The following PPARG variants were observed in gnomAD, a reference collection of about 807,000 sequenced individuals.
PPARG encodes peroxisome proliferator-activated receptor gamma.
In PPARG, 17 loss-of-function variants were observed where a neutral mutation model predicts 39.2. That is an observed-to-expected ratio of 0.43 (90% CI 0.30 to 0.65). The LOEUF (loss-of-function observed/expected upper bound fraction) is 0.65, where lower values mean the gene tolerates loss of function less well. Ranked by LOEUF, PPARG falls within the 30% of genes least tolerant of loss-of-function variation. The probability of loss-of-function intolerance (pLI) is 0.13; values close to 1 mark genes in which losing one functional copy is unlikely to be tolerated. For missense variants in PPARG, 406 were observed against 585.9 expected, an observed-to-expected ratio of 0.69 and a Z score of 3.17; for synonymous variants, 223 against 215.7, an observed-to-expected ratio of 1.03 and a Z score of -0.30.
chr3:12,338,002 A>C (rs9876942), intron 2 of PPARG, among the ~76,000 whole-genome samples: 41,289 of 152,010 alleles, frequency 0.27, 5,688 homozygotes, highest in East Asian at 0.33. Context: ...TTCATGAATA[A>C]GGAAGGACAA....
At chr3:12,310,821 A>C (rs10212146) in intron 1 of PPARG, among the ~76,000 whole-genome samples, 28,782 of 130,236 alleles carry the variant, frequency 0.22, 3,603 homozygotes, top group East Asian at 0.26. Context: ...AAAAAAAAAA[A>C]AAACCCAAGT....
intron 5 of PPARG, among the ~76,000 whole-genome samples, chr3:12,396,268 C>T (rs934958231): frequency 6.6e-6 from 1 of 151,834 alleles, no homozygotes; most frequent in African/African-American, 2.4e-5. Context: ...ATTACAGGTG[C>T]CCGAAACCAT....
At chr3:12,324,207 A>G (rs1192628371) in intron 2 of PPARG, among the ~76,000 whole-genome samples, 1 of 152,046 alleles carries the variant, frequency 6.6e-6, no homozygotes, top group African/African-American at 2.4e-5. Flanking sequence ...TGAACCCAGG[A>G]GGTGGAGGTT....
chr3:12,401,082 G>A (rs2050453017), intron 5 of PPARG, among the ~76,000 whole-genome samples: 1 of 152,136 alleles, frequency 6.6e-6, no homozygotes, highest in African/African-American at 2.4e-5. Context: ...TTGTATATGA[G>A]TACACTCAGC....
intron 4 of PPARG, among the ~76,000 whole-genome samples, chr3:12,382,418 A>G (rs564149540): frequency 6.6e-6 from 1 of 152,314 alleles, no homozygotes; most frequent in African/African-American, 2.4e-5. Flanking sequence ...CTAATTTATT[A>G]TATACGCATT....
chr3:12,304,736 C>T lies in PPARG; in HGVS notation c.-82-7644C>T, dbSNP rs559131772. On this transcript the variant is annotated intron_variant, in intron 1 of 7. Coordinates refer to ENST00000651735, the MANE Select transcript of PPARG (RefSeq NM_138711.6). ...TTGTTGAATGAATGTGAGGTGAGGG[C>T]GGAGAAAATATTTCAAATGGAAAAA... Among the ~76,000 whole-genome samples the T allele has an allele frequency of 5.9e-5, 9 of 151,936 alleles. No individual in the cohort carries two copies. The East Asian group carries it at 1.2e-3, about 20-fold the overall frequency.
At chr3:12,296,541 A>G (rs772431507) in intron 1 of PPARG, among the ~76,000 whole-genome samples, 1 of 152,104 alleles carries the variant, frequency 6.6e-6, no homozygotes, top group South Asian at 2.1e-4. Flanking sequence ...ACCCTTGCTT[A>G]TGGTTAAGTT....
chr3:12,295,135 A>T (rs1246182604), intron 1 of PPARG, among the ~76,000 whole-genome samples: 1 of 152,176 alleles, frequency 6.6e-6, no homozygotes, highest in Non-Finnish European at 1.5e-5. Context: ...AAAGTCTGTG[A>T]ATCTAAAACA....
intron 4 of PPARG, among the ~76,000 whole-genome samples, chr3:12,385,106 A>C (rs2049825294): frequency 6.6e-6 from 1 of 152,170 alleles, no homozygotes; most frequent in African/African-American, 2.4e-5. Context: ...ACCAATACGC[A>C]ATAAAAAGCC....
At chr3:12,387,101 T>C (rs142771488) in intron 4 of PPARG, among the ~76,000 whole-genome samples, 21,185 of 152,230 alleles carry the variant, frequency 0.14, 1,643 homozygotes, top group Admixed American at 0.21. Flanking sequence ...TGCCACATTT[T>C]CTTAATCCAG....
intron 2 of PPARG, among the ~76,000 whole-genome samples, chr3:12,353,671 A>G (rs1290739273): frequency 1.3e-5 from 2 of 152,138 alleles, no homozygotes; most frequent in African/African-American, 2.4e-5. Flanking sequence ...CATGAGATTA[A>G]AAATCTCGAC....
At chr3:12,317,195 C>G (rs775935563) in intron 2 of PPARG, among the ~76,000 whole-genome samples, 30 of 152,150 alleles carry the variant, frequency 2.0e-4, no homozygotes, top group Non-Finnish European at 3.4e-4. Context: ...GAAACATAGG[C>G]AATGCTTACT....
chr3:12,346,772 C>G (rs1372764401), intron 2 of PPARG, among the ~76,000 whole-genome samples: 2 of 151,662 alleles, frequency 1.3e-5, no homozygotes, highest in East Asian at 3.9e-4. Context: ...GTAGCTGACA[C>G]TACAGGTACA....
At chr3:12,368,452 G>C (rs2049098005) in intron 2 of PPARG, among the ~76,000 whole-genome samples, 1 of 152,026 alleles carries the variant, frequency 6.6e-6, no homozygotes, top group African/African-American at 2.4e-5. Flanking sequence ...AAAGTGCTGG[G>C]ATTACAAACG....
chr3:12,376,002 T>C (rs2049393075), intron 2 of PPARG, among the ~76,000 whole-genome samples: 1 of 151,464 alleles, frequency 6.6e-6, no homozygotes, highest in Non-Finnish European at 1.5e-5. Flanking sequence ...CAGGCTGGAG[T>C]GCAGTGGCGT....
intron 2 of PPARG, among the ~76,000 whole-genome samples, chr3:12,331,888 A>T (rs1485083743): frequency 6.6e-6 from 1 of 152,106 alleles, no homozygotes; most frequent in Non-Finnish European, 1.5e-5. Context: ...TGGAGTTTTT[A>T]ACCTGTTGAG....
At chr3:12,373,689 G>A (rs535185775) in intron 2 of PPARG, among the ~76,000 whole-genome samples, 1 of 152,174 alleles carries the variant, frequency 6.6e-6, no homozygotes, top group East Asian at 1.9e-4. Context: ...CATAGAATAT[G>A]CACATGGGAA....
intron 2 of PPARG, among the ~76,000 whole-genome samples, chr3:12,353,314 G>A (rs1435948936): frequency 6.6e-6 from 1 of 152,098 alleles, no homozygotes; most frequent in African/African-American, 2.4e-5. Flanking sequence ...TTCTTCATAA[G>A]CACTGTTTCT....
chr3:12,302,018 AG>A, intron 1 of PPARG, among the ~76,000 whole-genome samples: 1 of 152,326 alleles, frequency 6.6e-6, no homozygotes, highest in Admixed American at 6.5e-5. Flanking sequence ...TGAGCCAAGA[AG>A]GGGTAGTGTT....
Sources: allele counts gnomAD v4.1 joint callset (sites outside exome capture counted in the v4.1 genomes callset), GRCh38; gene constraint gnomAD v4.1.1; transcripts MANE v1.5; gene names NCBI Gene and HGNC (gene_info 2026-07-23, HGNC 2026-07-21).